The following SRRM4 variants were observed in gnomAD, a reference collection of about 807,000 sequenced individuals.
The protein encoded by SRRM4 is serine/arginine repetitive matrix 4, also known as serine/arginine repetitive matrix protein 4.
In SRRM4, 33 loss-of-function variants were observed where a neutral mutation model predicts 68.9. The ratio of observed to expected loss-of-function variants is 0.48; its 90% CI spans 0.36 to 0.64. The LOEUF (loss-of-function observed/expected upper bound fraction) is 0.64, where lower values mean the gene tolerates loss of function less well. Ranked by LOEUF, SRRM4 falls within the 30% of genes least tolerant of loss-of-function variation. SRRM4 has a pLI of 0.00. For synonymous variants in SRRM4, 318 were observed against 318.8 expected, an observed-to-expected ratio of 1.00 and a Z score of 0.03; for missense variants, 817 against 827.1, an observed-to-expected ratio of 0.99 and a Z score of 0.15.
chr12:119,122,080 C>T lies in SRRM4; in HGVS notation c.475C>T (p.Pro159Ser), dbSNP rs768328926. The T allele has an allele frequency of 2.5e-6, 4 of 1,609,508 alleles. No individual in the cohort carries two copies. Among genetic ancestry groups the T allele is most frequent in the African/African-American group, 2.7e-5 (2 of 74,716 alleles). ...SKKRRHSSSS[P>S]KSKRRDEKRH... Reference sequence around the variant, plus strand: ...CCATTTCTTGTTTAGCTCCTCTAGCCCAAAAAGCAAAAGAAGAGATGAGAA... The same window carrying T: ...CCATTTCTTGTTTAGCTCCTCTAGCTCAAAAAGCAAAAGAAGAGATGAGAA... Residue 159 changes from proline (P) to serine (S), a missense_variant, in exon 6 of 13, where the codon CCA becomes TCA. Physicochemically the swap from Pro to Ser is moderately conservative, Grantham distance 74. Coordinates refer to ENST00000267260, the MANE Select transcript of SRRM4 (RefSeq NM_194286.4).
chr12:119,025,694 T>A (rs1426021453), intron 1 of SRRM4, among the ~76,000 whole-genome samples: 6 of 152,018 alleles, frequency 3.9e-5, no homozygotes, highest in Non-Finnish European at 5.9e-5. Context: ...TCCACCTGCC[T>A]TGGCCTCCCA....
intron 7 of SRRM4, among the ~76,000 whole-genome samples, chr12:119,125,734 A>G (rs1461768616): frequency 2.6e-5 from 4 of 152,006 alleles, no homozygotes; most frequent in African/African-American, 9.7e-5. Flanking sequence ...AGCCTGGCCA[A>G]TATGGTGAAA....
intron 6 of SRRM4, among the ~76,000 whole-genome samples, chr12:119,123,262 G>A (rs1954234559): frequency 6.6e-6 from 1 of 152,204 alleles, no homozygotes; most frequent in African/African-American, 2.4e-5. Flanking sequence ...AGAGGCCTGG[G>A]GAATGCTCCA....
intron 2 of SRRM4, among the ~76,000 whole-genome samples, chr12:119,108,138 T>C (rs1482057243): frequency 6.6e-6 from 1 of 152,266 alleles, no homozygotes; most frequent in African/African-American, 2.4e-5. Context: ...AGTGTGTCTC[T>C]TAATCCTGAG....
In SRRM4 at chr12:119,016,131, C is replaced by T. The variant is rs189873692; in HGVS notation, c.131+34118C>T. On this transcript the variant is annotated intron_variant, in intron 1 of 12. Coordinates refer to ENST00000267260, the MANE Select transcript of SRRM4 (RefSeq NM_194286.4). The stretch of plus-strand genomic sequence containing the variant: ...AAGGCAGAGGTTGGAATGATGCTGC[C>T]ACAAACCTAGGAATGCCAGAGCCAC... Among the ~76,000 whole-genome samples the T allele has an allele frequency of 2.1e-3, 321 of 152,254 alleles. 1 individual carries two copies. The highest frequency in any genetic ancestry group is 3.2e-3 in the Non-Finnish European group (221 of 68,028).
At chr12:119,070,435 T>G (rs1035131961) in intron 1 of SRRM4, among the ~76,000 whole-genome samples, 2 of 152,126 alleles carry the variant, frequency 1.3e-5, no homozygotes, top group African/African-American at 4.8e-5. Flanking sequence ...GTCTGCAATT[T>G]CCAAACTATA....
At position 118,990,466 on chromosome 12, in the gene SRRM4, A is replaced by C. The variant is rs540091709; in HGVS notation, c.131+8453A>C. Among the ~76,000 whole-genome samples, 95 of 152,330 alleles carry C rather than the reference A, an allele frequency of 6.2e-4. 1 individual carries two copies. The South Asian group carries it at 0.02, about 32-fold the overall frequency. ...TATGTCATCTTAATTCAGTGTGCCC[A>C]TGATCACACGGTGTGTAAGTGATGA... On this transcript the variant is annotated intron_variant, in intron 1 of 12. Transcript: ENST00000267260.
At chr12:119,131,998 C>T (rs1355807095) in intron 8 of SRRM4, among the ~76,000 whole-genome samples, 1 of 152,178 alleles carries the variant, frequency 6.6e-6, no homozygotes, top group Non-Finnish European at 1.5e-5. Context: ...CTGGTTGACA[C>T]AATAATTATC....
rs35250419 is a variant in SRRM4 at position 118,998,268 on chromosome 12, C to CAAAAAAAAAAA, written c.131+16276_131+16286dup. ...AACTGAGTGGATAAGAGCAATATGG[C>CAAAAAAAAAAA]AAAAAAAAAAAAAAAAAAAAAAAAA... On this transcript the variant is annotated intron_variant, in intron 1 of 12. Transcript: ENST00000267260. 9.8e-4 allele frequency among the ~76,000 whole-genome samples: 36 copies of CAAAAAAAAAAA among 36,584 alleles called. 6 individuals are homozygous for CAAAAAAAAAAA. The highest frequency in any genetic ancestry group is 2.1e-3 in the Admixed American group (4 of 1,902). 24.0% of individuals were successfully genotyped at this position (36,584 alleles called of 152,430 possible). A position where few individuals can be genotyped will look rare whatever the true frequency, so the allele number is the denominator to read the frequency against.
At chr12:119,097,074 G>A (rs112923023) in intron 1 of SRRM4, among the ~76,000 whole-genome samples, 4 of 152,130 alleles carry the variant, frequency 2.6e-5, no homozygotes, top group African/African-American at 7.2e-5. Flanking sequence ...GGAGTGTGCC[G>A]GCCCTTGACT....
intron 1 of SRRM4, among the ~76,000 whole-genome samples, chr12:119,000,309 C>T (rs552472201): frequency 6.6e-6 from 1 of 152,304 alleles, no homozygotes; most frequent in South Asian, 2.1e-4. Context: ...TGAGCAAATA[C>T]TTCTCTTGCT....
chr12:119,056,636 G>A (rs147197463), intron 1 of SRRM4, among the ~76,000 whole-genome samples: 399 of 151,658 alleles, frequency 2.6e-3, no homozygotes, highest in Non-Finnish European at 4.0e-3. Flanking sequence ...TAAGCTATCT[G>A]TCCCACCTCA....
intron 1 of SRRM4, among the ~76,000 whole-genome samples, chr12:119,010,421 G>A (rs1953442128): frequency 6.6e-6 from 1 of 152,216 alleles, no homozygotes; most frequent in Non-Finnish European, 1.5e-5. Context: ...GATGAAAAGT[G>A]TCAGCCCTTA....
chr12:119,130,603 C>G, intron 7 of SRRM4, 75 bp from the exon 8 acceptor site: 1 of 1,417,830 alleles, frequency 7.1e-7, no homozygotes, highest in Non-Finnish European at 9.5e-7. Context: ...ATCCTCAGAT[C>G]CTGTTGGTCC....
At chr12:119,039,426 G>A (rs903685687) in intron 1 of SRRM4, among the ~76,000 whole-genome samples, 1 of 152,132 alleles carries the variant, frequency 6.6e-6, no homozygotes, top group African/African-American at 2.4e-5. Flanking sequence ...TATTTCAAAT[G>A]TCCTATTATT....
chr12:119,156,940 A>G lies in SRRM4; in HGVS notation c.*142A>G. 9.3e-7 allele frequency: 1 copy of G among 1,078,322 alleles called. No homozygotes were observed. Among genetic ancestry groups the G allele is most frequent in the South Asian group, 1.7e-5 (1 of 60,166 alleles). The allele number at this position is 1,078,322 out of a possible 1,614,324, so 66.8% of individuals were successfully genotyped here. A position where few individuals can be genotyped will look rare whatever the true frequency, so the allele number is the denominator to read the frequency against. On this transcript the variant is annotated 3_prime_UTR_variant, in exon 13 of 13. Transcript: ENST00000267260. ...TGCTTGCCTAGGGGAAGAGGAGAAGAGGGTAAGGGGGCTTCACTCTCTAGA... is the reference window on the plus strand; with the variant it reads ...TGCTTGCCTAGGGGAAGAGGAGAAGGGGGTAAGGGGGCTTCACTCTCTAGA...
chr12:119,145,345 C>A (rs749056506), intron 8 of SRRM4, 36 bp from the exon 9 acceptor site: 2 of 1,565,356 alleles, frequency 1.3e-6, no homozygotes, highest in South Asian at 1.2e-5. Context: ...ATGGGCCCAG[C>A]GCTCAGCAGT....
At chr12:119,145,744 A>G (rs1343327876) in intron 9 of SRRM4, 59 bp downstream of exon 9, 3 of 1,365,040 alleles carry the variant, frequency 2.2e-6, no homozygotes, top group Admixed American at 3.1e-5. Flanking sequence ...CCACCTTCTC[A>G]TGCTCTCATC....
At chr12:119,138,321 C>T (rs1049355630) in intron 8 of SRRM4, among the ~76,000 whole-genome samples, 6 of 152,114 alleles carry the variant, frequency 3.9e-5, no homozygotes, top group South Asian at 2.1e-4. Flanking sequence ...CTCGGCTCAC[C>T]GGTTTTCCAG....
Sources: allele counts gnomAD v4.1 joint callset (sites outside exome capture counted in the v4.1 genomes callset), GRCh38; gene constraint gnomAD v4.1.1; transcripts MANE v1.5; gene names NCBI Gene and HGNC (gene_info 2026-07-23, HGNC 2026-07-21).